ZNF451: variants seen among roughly 807,000 people sequenced by gnomAD.
ZNF451 encodes zinc finger protein 451.
A neutral mutation model predicts 107.1 loss-of-function variants in ZNF451; 80 were observed. The ratio of observed to expected loss-of-function variants is 0.75; its 90% CI spans 0.62 to 0.90. ZNF451 has a LOEUF of 0.90. ZNF451 is among the 40% of genes least tolerant of loss of function. The pLI is 0.00. For synonymous variants in ZNF451, 362 were observed against 406.5 expected (o/e 0.89, Z 1.32); for missense variants, 1,107 against 1,236.2 (o/e 0.90, Z 1.57).
At chr6:57,167,248 C>T (rs1004583662) in intron 14 of ZNF451, among the ~76,000 whole-genome samples, 4 of 151,918 alleles carry the variant, frequency 2.6e-5, no homozygotes, top group Non-Finnish European at 4.4e-5. Flanking sequence ...AAGACCTTTC[C>T]CTGTCATTCT....
chr6:57,120,965 G>A (rs1830610176), intron 3 of ZNF451, among the ~76,000 whole-genome samples: 1 of 152,036 alleles, frequency 6.6e-6, no homozygotes, highest in Admixed American at 6.6e-5. Context: ...TCATGCACAA[G>A]GTCATTTAGA....
intron 3 of ZNF451, among the ~76,000 whole-genome samples, chr6:57,120,026 G>A (rs1830562545): frequency 6.6e-6 from 1 of 152,110 alleles, no homozygotes; most frequent in Non-Finnish European, 1.5e-5. Flanking sequence ...TGTCATTGTA[G>A]TATTACTGAA....
In ZNF451 at chr6:57,147,648, C is replaced by T. The variant is rs143799111; in HGVS notation, c.1563C>T (p.His521=). ...TTCGTTTACACATGAGCCGGATTCA[C>T]GGAGGGGCACATTTAAATAACTTTC... ...GVIRLHMSRI[H]GGAHLNNFLF... The change falls in exon 10 of 15, where the codon CAC becomes CAT. Residue 521 remains histidine, a synonymous_variant. Transcript: ENST00000370706. 1.7e-5 allele frequency: 28 copies of T among 1,613,938 alleles called. No individual in the cohort carries two copies. Among genetic ancestry groups the T allele is most frequent in the Admixed American group, 3.3e-5 (2 of 59,994 alleles).
chr6:57,096,428 C>G (rs186568365), intron 2 of ZNF451, among the ~76,000 whole-genome samples: 1 of 151,588 alleles, frequency 6.6e-6, no homozygotes, highest in Non-Finnish European at 1.5e-5. Context: ...TCAGGCAATT[C>G]GCCCACCTTG....
Position 57,134,814 on chromosome 6 carries a change from G to C in ZNF451, c.646G>C (p.Val216Leu), listed in dbSNP as rs749637191. The change falls in exon 7 of 15, where the codon GTA becomes CTA. Residue 216 changes from valine (V) to leucine (L), a missense_variant. Coordinates refer to ENST00000370706, the MANE Select transcript of ZNF451 (RefSeq NM_001031623.3). Reference sequence around the variant, plus strand: ...TTTCTTCAGCTCCTTTGCTTGTGTAGTATGTTATAAAAAATTTGTTACTCA... The same window carrying C: ...TTTCTTCAGCTCCTTTGCTTGTGTACTATGTTATAAAAAATTTGTTACTCA... ...GPFFSSFACVVCYKKFVTQQQ... is the reference protein window; with the variant it reads ...GPFFSSFACVLCYKKFVTQQQ... 1 of 1,612,102 alleles carries C rather than the reference G, an allele frequency of 6.2e-7. No individual in the cohort carries two copies.
intron 14 of ZNF451, among the ~76,000 whole-genome samples, chr6:57,163,800 C>G (rs1047870340): frequency 6.6e-6 from 1 of 152,012 alleles, no homozygotes; most frequent in Non-Finnish European, 1.5e-5. Flanking sequence ...CCACCAGGAC[C>G]CATTTCCCTA....
At chr6:57,115,275 GTATC>G (rs755182228) in intron 3 of ZNF451, 5 of 152,066 alleles carry the variant, frequency 3.3e-5, no homozygotes, top group Non-Finnish European at 5.9e-5. Context: ...GAAAAAAAAA[GTATC>G]TAATTGATTG....
intron 3 of ZNF451, among the ~76,000 whole-genome samples, chr6:57,114,054 A>G (rs2073661628): frequency 6.6e-6 from 1 of 152,334 alleles, no homozygotes; most frequent in South Asian, 2.1e-4. Flanking sequence ...TTTAACAGAA[A>G]GTTCATGTAT....
At chr6:57,102,006 C>T in intron 3 of ZNF451, 1 of 1,550,450 alleles carries the variant, frequency 6.4e-7, no homozygotes, top group Non-Finnish European at 8.7e-7. Flanking sequence ...ATAGAGGATA[C>T]TCCAAAGGGG....
intron 2 of ZNF451, among the ~76,000 whole-genome samples, chr6:57,093,969 G>T (rs1243876469): frequency 6.6e-6 from 1 of 152,192 alleles, no homozygotes; most frequent in African/African-American, 2.4e-5. Flanking sequence ...TCTATATGGG[G>T]GGAAAAATGA....
rs398001706 is a variant in ZNF451 at position 57,163,436 on chromosome 6, C to CTTTTTTTTTTTTTTTTTT, written c.3139+2299_3139+2316dup. Among the ~76,000 whole-genome samples, 27 of 30,340 alleles carry CTTTTTTTTTTTTTTTTTT rather than the reference C, an allele frequency of 8.9e-4. 8 individuals carry two copies. Among genetic ancestry groups the CTTTTTTTTTTTTTTTTTT allele is most frequent in the African/African-American group, 1.9e-3 (16 of 8,574 alleles). 19.9% of individuals were successfully genotyped at this position (30,340 alleles called of 152,430 possible). ...AATGGTTGCTTGTTAAATGAATAAA[C>CTTTTTTTTTTTTTTTTTT]TTTTTTTTTTTTTTTTTTTTTTTTT... On this transcript the variant is annotated intron_variant, in intron 14 of 14. Transcript: ENST00000370706.
intron 3 of ZNF451, among the ~76,000 whole-genome samples, chr6:57,111,010 C>T (rs1830080448): frequency 6.6e-6 from 1 of 151,928 alleles, no homozygotes; most frequent in Admixed American, 6.6e-5. Flanking sequence ...ACCTCCACCT[C>T]CCAGGTTCAA....
chr6:57,098,172 G>C (rs1173051872), intron 2 of ZNF451, among the ~76,000 whole-genome samples: 2 of 149,368 alleles, frequency 1.3e-5, no homozygotes, highest in South Asian at 4.3e-4. Flanking sequence ...GTTTTACCAT[G>C]TTGGTCAGGC....
intron 2 of ZNF451, among the ~76,000 whole-genome samples, chr6:57,096,589 A>C (rs1829327121): frequency 9.9e-6 from 1 of 100,670 alleles, no homozygotes; most frequent in Non-Finnish European, 1.8e-5. Context: ...GCCTCTGTGT[A>C]TTTCTGGTTA....
At chr6:57,103,299 T>C (rs564738019) in intron 3 of ZNF451, 1 of 985,462 alleles carries the variant, frequency 1.0e-6, no homozygotes, top group South Asian at 4.7e-5. Context: ...TTTCTGGATA[T>C]CTAAGTGATG....
intron 4 of ZNF451, among the ~76,000 whole-genome samples, chr6:57,127,188 GTATT>G (rs1306699703): frequency 6.6e-6 from 1 of 152,074 alleles, no homozygotes; most frequent in Non-Finnish European, 1.5e-5. Flanking sequence ...CTTTGAAAAA[GTATT>G]TGGTGATTTA....
At chr6:57,118,244 T>A (rs975820038) in intron 3 of ZNF451, among the ~76,000 whole-genome samples, 3 of 152,150 alleles carry the variant, frequency 2.0e-5, no homozygotes, top group African/African-American at 7.2e-5. Flanking sequence ...AAACAGTAAT[T>A]TATACCTTGT....
chr6:57,109,323 AT>A, intron 3 of ZNF451: 2 of 983,088 alleles, frequency 2.0e-6, no homozygotes, highest in Non-Finnish European at 2.4e-6. Flanking sequence ...TTTAACTGGC[AT>A]TTTGAGGATA....
At chr6:57,123,159 C>A (rs1346430077) in intron 3 of ZNF451, among the ~76,000 whole-genome samples, 1 of 152,082 alleles carries the variant, frequency 6.6e-6, no homozygotes, top group African/African-American at 2.4e-5. Flanking sequence ...TGAAATGAGA[C>A]CCTGTTTCAA....
Sources: allele counts gnomAD v4.1 joint callset (sites outside exome capture counted in the v4.1 genomes callset), GRCh38; gene constraint gnomAD v4.1.1; transcripts MANE v1.5; gene names NCBI Gene and HGNC (gene_info 2026-07-23, HGNC 2026-07-21).